The following HMCES variants were observed in gnomAD, a reference collection of about 807,000 sequenced individuals.
HMCES encodes abasic site processing protein HMCES.
A neutral mutation model predicts 35.1 loss-of-function variants in HMCES; 27 were observed. The ratio of observed to expected loss-of-function variants is 0.77; its 90% confidence interval spans 0.57 to 1.06. The LOEUF is 1.06. Ranked by LOEUF, HMCES falls within the 50% of genes least tolerant of loss-of-function variation. The pLI, the probability that HMCES is intolerant of heterozygous loss-of-function variation, is 0.00. For synonymous variants in HMCES, 130 were observed against 154.7 expected (o/e 0.84, Z 1.18); for missense variants, 391 against 430.4 (o/e 0.91, Z 0.81).
At chr3:129,287,412 A>G (rs2107688555) in intron 2 of HMCES, among the ~76,000 whole-genome samples, 1 of 151,522 alleles carries the variant, frequency 6.6e-6, no homozygotes, top group Non-Finnish European at 1.5e-5. Context: ...TTTGGTAGAA[A>G]CTGGAGTTTG....
chr3:129,296,555 A>G (rs906193462), intron 4 of HMCES, among the ~76,000 whole-genome samples: 14 of 151,804 alleles, frequency 9.2e-5, no homozygotes, highest in African/African-American at 1.5e-4. Context: ...GTTAATTTCT[A>G]TATCTCTTGG....
Position 129,298,543 on chromosome 3 carries a change from A to G in HMCES, c.635+8A>G, listed in dbSNP as rs1298793851. On this transcript the variant is annotated splice_region_variant and intron_variant, in intron 5 of 6. Coordinates refer to ENST00000383463, the MANE Select transcript of HMCES (RefSeq NM_020187.3). ...GAGTGACATCCACCACAGGCAAGTC[A>G]TACTTCTTAGCCCTGGATCCAAAAG... is the stretch of plus-strand genomic sequence containing the variant. 6.2e-7 allele frequency: 1 copy of G among 1,612,224 alleles called. No individual in the cohort carries two copies. Among genetic ancestry groups the G allele is most frequent in the Non-Finnish European group, 8.5e-7 (1 of 1,178,488 alleles).
intron 2 of HMCES, among the ~76,000 whole-genome samples, chr3:129,281,495 AGCCTGGCCAACAT>A (rs1940482064): frequency 6.6e-6 from 1 of 151,986 alleles, no homozygotes; most frequent in African/African-American, 2.4e-5. Flanking sequence ...GTTCGAGACC[AGCCTGGCCAACAT>A]GGTGAAACCC....
intron 2 of HMCES, among the ~76,000 whole-genome samples, chr3:129,281,884 G>A (rs890758690): frequency 1.4e-5 from 2 of 140,362 alleles, no homozygotes; most frequent in African/African-American, 5.4e-5. Flanking sequence ...TCGAGAATGT[G>A]CCACTGCACT....
In HMCES at chr3:129,298,105, C is replaced by T. The variant is rs142411425; in HGVS notation, c.454-249C>T. Among the ~76,000 whole-genome samples, 1,331 of 152,216 alleles carry T rather than the reference C, an allele frequency of 8.7e-3. 22 individuals are homozygous for T. Among genetic ancestry groups the T allele is most frequent in the African/African-American group, 0.03 (1,259 of 41,494 alleles). On this transcript the variant is annotated intron_variant, in intron 4 of 6. Coordinates refer to ENST00000383463, the MANE Select transcript of HMCES (RefSeq NM_020187.3). ...GTAAGTAATAGCTAGAATGGTGGGCCAGTTCACGGAAGGCCTAAATGTCCA... is the reference window on the plus strand; with the variant it reads ...GTAAGTAATAGCTAGAATGGTGGGCTAGTTCACGGAAGGCCTAAATGTCCA...
Position 129,301,931 on chromosome 3 carries a change from T to C in HMCES, c.636-19T>C. On this transcript the variant is annotated intron_variant, in intron 5 of 6. Transcript: ENST00000383463. ...CTCATGCTACCTCTCCCAACCATTG[T>C]CTTAACTTCCCTGGCCAGGATGCCT... 2.5e-6 allele frequency: 4 copies of C among 1,599,030 alleles called. No homozygotes were observed. The highest frequency in any genetic ancestry group is 3.4e-6 in the Non-Finnish European group (4 of 1,170,948).
chr3:129,279,936 C>CTA lies in HMCES; in HGVS notation c.183+22_183+23dup. The stretch of plus-strand genomic sequence containing the variant: ...AGAAGGTAACCAGCATTGCACTATG[C>CTA]TAGCCCCTCGCCCAGCCTCGTGATG... On this transcript the variant is annotated intron_variant, in intron 2 of 6. Transcript: ENST00000383463. This position sits in a 1 kb window ranked among gnomAD's most constrained non-coding sequence, Gnocchi z 4.2. The CTA allele has an allele frequency of 6.5e-7, 1 of 1,530,052 alleles. No homozygotes were observed. The highest frequency in any genetic ancestry group is 8.8e-7 in the Non-Finnish European group (1 of 1,140,292). The allele number at this position is 1,530,052 out of a possible 1,614,324, so 94.8% of individuals were successfully genotyped here. A position where few individuals can be genotyped will look rare whatever the true frequency, so the allele number is the denominator to read the frequency against.
intron 4 of HMCES, among the ~76,000 whole-genome samples, chr3:129,297,766 T>C (rs1302589248): frequency 1.3e-5 from 2 of 152,220 alleles, no homozygotes; most frequent in African/African-American, 4.8e-5. Context: ...TTGGAGGACC[T>C]TGTCTTTTCT....
At chr3:129,285,664 A>G (rs1159947241) in intron 2 of HMCES, among the ~76,000 whole-genome samples, 2 of 151,444 alleles carry the variant, frequency 1.3e-5, no homozygotes, top group East Asian at 3.9e-4. Context: ...CGTGTTAGCC[A>G]GGATGGTCTC....
chr3:129,283,392 C>T (rs560322473), intron 2 of HMCES, among the ~76,000 whole-genome samples: 6 of 148,916 alleles, frequency 4.0e-5, no homozygotes, highest in Non-Finnish European at 8.9e-5. Flanking sequence ...AGTGCAGTGG[C>T]GCAATCATGG....
intron 6 of HMCES, 26 bp downstream of exon 6, chr3:129,302,168 CT>C (rs1175943621): frequency 1.3e-6 from 2 of 1,546,418 alleles, no homozygotes; most frequent in Non-Finnish European, 1.8e-6. Flanking sequence ...TGGTACAGTC[CT>C]TTTTGAGCTT....
chr3:129,290,616 A>T (rs908507971), intron 3 of HMCES, 63 bp from the exon 4 acceptor site: 1 of 1,554,116 alleles, frequency 6.4e-7, no homozygotes, highest in African/African-American at 1.4e-5. Flanking sequence ...TTCTCCAAGT[A>T]ATGGCAGCCT....
chr3:129,285,881 C>T (rs113124185), intron 2 of HMCES, among the ~76,000 whole-genome samples: 37 of 152,222 alleles, frequency 2.4e-4, no homozygotes, highest in Middle Eastern at 3.4e-3. Flanking sequence ...AGGCACACGC[C>T]ACCACACCCA....
At chr3:129,298,144 A>G (rs1031201597) in intron 4 of HMCES, among the ~76,000 whole-genome samples, 9 of 152,258 alleles carry the variant, frequency 5.9e-5, no homozygotes, top group Admixed American at 5.2e-4. Context: ...AAGGTGTTAA[A>G]TTCTGAAAGT....
At chr3:129,299,670 GA>G (rs2071137701) in intron 5 of HMCES, among the ~76,000 whole-genome samples, 1 of 26,082 alleles carries the variant, frequency 3.8e-5, no homozygotes, top group Non-Finnish European at 8.8e-5. Flanking sequence ...TTTTTTTTTT[GA>G]GACAGAGTCT....
At chr3:129,295,321 C>G (rs1156251198) in intron 4 of HMCES, among the ~76,000 whole-genome samples, 1 of 151,784 alleles carries the variant, frequency 6.6e-6, no homozygotes, top group Non-Finnish European at 1.5e-5. Context: ...CCTGTGGTCC[C>G]AGCTACTTGG....
In HMCES at chr3:129,304,761, T is replaced by A; in HGVS notation, c.1001T>A (p.Leu334Gln). ...LPTKRGTAGL[L>Q]EQWLKREKEE... ...ACCAAGAGAGGCACTGCAGGACTCCTAGAGCAATGGCTGAAGCGGGAGAAG... is the reference window on the plus strand; with the variant it reads ...ACCAAGAGAGGCACTGCAGGACTCCAAGAGCAATGGCTGAAGCGGGAGAAG... The change falls in exon 7 of 7, where the codon CTA becomes CAA. Residue 334 changes from leucine to glutamine, a missense_variant. Leu to Gln is a moderately radical substitution (Grantham distance 113). Coordinates refer to ENST00000383463, the MANE Select transcript of HMCES (RefSeq NM_020187.3). The A allele has an allele frequency of 1.9e-6, 3 of 1,614,058 alleles. No individual in the cohort carries two copies. The East Asian group carries it at 6.7e-5, about 36-fold the overall frequency.
At chr3:129,296,417 T>G (rs562463163) in intron 4 of HMCES, among the ~76,000 whole-genome samples, 23 of 152,332 alleles carry the variant, frequency 1.5e-4, no homozygotes, top group African/African-American at 5.5e-4. Flanking sequence ...GTCTCTCTGC[T>G]AACGTTCCTT....
At position 129,279,597 on chromosome 3, in the gene HMCES, TG is replaced by T; in HGVS notation, c.-23-111del. On this transcript the variant is annotated intron_variant, in intron 1 of 6. Coordinates refer to ENST00000383463, the MANE Select transcript of HMCES (RefSeq NM_020187.3). The surrounding 1 kb of genome is among the most constrained non-coding windows in gnomAD (Gnocchi z 4.2). ...ACTTTTTGGGGAAGACTTTAGACGG[TG>T]GTCACGGAGGGGCACGGCCCTGTGG... 1 of 1,025,020 alleles carries T rather than the reference TG, an allele frequency of 9.8e-7. No individual in the cohort carries two copies. Among genetic ancestry groups the T allele is most frequent in the Non-Finnish European group, 1.4e-6 (1 of 702,186 alleles). 63.5% of individuals were successfully genotyped at this position (1,025,020 alleles called of 1,614,324 possible).
Sources: allele counts gnomAD v4.1 joint callset (sites outside exome capture counted in the v4.1 genomes callset), GRCh38; gene constraint gnomAD v4.1.1; non-coding constraint Gnocchi (gnomAD v3.1); transcripts MANE v1.5; gene names NCBI Gene and HGNC (gene_info 2026-07-23, HGNC 2026-07-21).